ASAP2: variants seen among roughly 807,000 people sequenced by gnomAD.
ASAP2 encodes the protein ArfGAP with SH3 domain, ankyrin repeat and PH domain 2, also known as arf-GAP with SH3 domain, ANK repeat and PH domain-containing protein 2.
A neutral mutation model predicts 131.4 loss-of-function variants in ASAP2; 45 were observed. The observed-to-expected ratio is 0.34, with a 90% CI of 0.27 to 0.44. The LOEUF (loss-of-function observed/expected upper bound fraction) is 0.44, where lower values mean the gene tolerates loss of function less well. Ranked by LOEUF, ASAP2 falls within the 20% of genes least tolerant of loss-of-function variation. ASAP2 has a pLI of 1.00. For missense variants in ASAP2, 1,011 were observed against 1,297.0 expected (o/e 0.78, Z 3.39); for synonymous variants, 510 against 503.0 (o/e 1.01, Z -0.19).
intron 2 of ASAP2, among the ~76,000 whole-genome samples, chr2:9,283,836 C>T (rs1441042696): frequency 1.3e-5 from 2 of 152,140 alleles, no homozygotes; most frequent in Admixed American, 6.6e-5. Context: ...TCCACTTTCT[C>T]CTCTTATAAG....
rs1032318598 is a variant in ASAP2, at chr2:9,405,676, G to A, written c.*2349G>A. 2 of 152,434 alleles carry A rather than the reference G, an allele frequency of 1.3e-5. No individual in the cohort carries two copies. The highest frequency in any genetic ancestry group is 6.5e-5 in the Admixed American group (1 of 15,280). 9.4% of individuals were successfully genotyped at this position (152,434 alleles called of 1,614,324 possible). A position where few individuals can be genotyped will look rare whatever the true frequency, so the allele number is the denominator to read the frequency against. Reference sequence around the variant, plus strand: ...GGAAAAAAATAAAATACTTTTAAATGGACATGGTTTTATTTTTAATGTTTT... The same window carrying A: ...GGAAAAAAATAAAATACTTTTAAATAGACATGGTTTTATTTTTAATGTTTT... On this transcript the variant is annotated 3_prime_UTR_variant, in exon 28 of 28. Transcript: ENST00000281419.
At position 9,376,901 on chromosome 2, in the gene ASAP2, T is replaced by G; in HGVS notation, c.1747-7T>G. The G allele has an allele frequency of 6.2e-7, 1 of 1,614,024 alleles. No homozygotes were observed. Among genetic ancestry groups the G allele is most frequent in the Non-Finnish European group, 8.5e-7 (1 of 1,179,934 alleles). On this transcript the variant is annotated splice_polypyrimidine_tract_variant and splice_region_variant and intron_variant, in intron 17 of 27. Transcript: ENST00000281419. ...GAATTCTGGAATGCCTTTGTTTGGT[T>G]TTTCAGGAGCCGGATGAAACGGCCC...
At chr2:9,230,703 T>C (rs944356718) in intron 1 of ASAP2, among the ~76,000 whole-genome samples, 1 of 152,224 alleles carries the variant, frequency 6.6e-6, no homozygotes, top group Non-Finnish European at 1.5e-5. Context: ...AGAGCAGATA[T>C]GTGCAAGGCA....
At chr2:9,371,027 C>G (rs538733732) in intron 16 of ASAP2, among the ~76,000 whole-genome samples, 4 of 152,252 alleles carry the variant, frequency 2.6e-5, no homozygotes, top group African/African-American at 9.6e-5. Flanking sequence ...ACCAGGGGTA[C>G]CTAACGAAAG....
chr2:9,403,110 ATGT>A, intron 27 of ASAP2, 140 bp from the exon 28 acceptor site: 2 of 664,258 alleles, frequency 3.0e-6, no homozygotes, highest in Non-Finnish European at 5.2e-6. Context: ...AATCATTTGG[ATGT>A]TTTACCTAAG....
rs1553297027 is a variant in ASAP2, at chr2:9,254,254, T to TATATATATATAC, written c.127-25062_127-25061insTATATATATACA. ...AAAAAAAAATATATATATATATATA[T>TATATATATATAC]ACACGTGTGTGTGTATGCATATATA... On this transcript the variant is annotated intron_variant, in intron 1 of 27. Coordinates refer to ENST00000281419, the MANE Select transcript of ASAP2 (RefSeq NM_003887.3). 5.0e-3 allele frequency among the ~76,000 whole-genome samples: 327 copies of TATATATATATAC among 65,682 alleles called. 24 individuals are homozygous for TATATATATATAC. Among genetic ancestry groups the TATATATATATAC allele is most frequent in the African/African-American group, 0.018 (244 of 13,502 alleles). 43.1% of individuals were successfully genotyped at this position (65,682 alleles called of 152,430 possible). A position where few individuals can be genotyped will look rare whatever the true frequency, so the allele number is the denominator to read the frequency against.
intron 16 of ASAP2, among the ~76,000 whole-genome samples, chr2:9,373,736 A>G (rs1674166139): frequency 6.6e-6 from 1 of 152,226 alleles, no homozygotes; most frequent in African/African-American, 2.4e-5. Flanking sequence ...CTCAGATTGT[A>G]GGCAGTGCTG....
At chr2:9,387,084 G>C (rs983840222) in intron 21 of ASAP2, among the ~76,000 whole-genome samples, 27 of 149,984 alleles carry the variant, frequency 1.8e-4, no homozygotes, top group Non-Finnish European at 3.6e-4. Context: ...TGGGTGGGGG[G>C]GCGCCTGTAG....
At chr2:9,227,394 G>C (rs1305816031) in intron 1 of ASAP2, among the ~76,000 whole-genome samples, 1 of 152,164 alleles carries the variant, frequency 6.6e-6, no homozygotes, top group East Asian at 1.9e-4. Flanking sequence ...CCATTTACAC[G>C]GTGGACTTGT....
intron 12 of ASAP2, among the ~76,000 whole-genome samples, chr2:9,351,306 A>G (rs1013876223): frequency 1.3e-5 from 2 of 152,232 alleles, no homozygotes; most frequent in South Asian, 2.1e-4. Flanking sequence ...AGGGTCTTCA[A>G]CAGGTCCCTT....
At chr2:9,302,829 AG>A (rs1668586378) in intron 3 of ASAP2, among the ~76,000 whole-genome samples, 1 of 152,148 alleles carries the variant, frequency 6.6e-6, no homozygotes, top group South Asian at 2.1e-4. Context: ...AAGACATTAT[AG>A]CTAACCTTAC....
intron 9 of ASAP2, among the ~76,000 whole-genome samples, 157 bp downstream of exon 9, chr2:9,335,336 C>T (rs1671134889): frequency 1.3e-5 from 2 of 152,172 alleles, no homozygotes; most frequent in Non-Finnish European, 2.9e-5. Context: ...CAATTTAGTT[C>T]TATAAAACCA....
chr2:9,207,287 C>A lies in ASAP2; in HGVS notation c.126+57C>A. On this transcript the variant is annotated intron_variant, in intron 1 of 27. Transcript: ENST00000281419. The surrounding 1 kb of genome is among the most constrained non-coding windows in gnomAD (Gnocchi z 4.1). Reference sequence around the variant, plus strand: ...AGGTATCCCGCGCCCCAGCCCCGCCCGCCGCTCCCGCATCCGCATCCCGAG... The same window carrying A: ...AGGTATCCCGCGCCCCAGCCCCGCCAGCCGCTCCCGCATCCGCATCCCGAG... 6.8e-7 allele frequency: 1 copy of A among 1,466,098 alleles called. No homozygotes were observed. The allele number at this position is 1,466,098 out of a possible 1,614,324, so 90.8% of individuals were successfully genotyped here. A position where few individuals can be genotyped will look rare whatever the true frequency, so the allele number is the denominator to read the frequency against.
chr2:9,396,403 A>T (rs1676150430), intron 24 of ASAP2, among the ~76,000 whole-genome samples: 1 of 151,908 alleles, frequency 6.6e-6, no homozygotes, highest in Non-Finnish European at 1.5e-5. Context: ...GCCTCCGCAT[A>T]GCTGGGACCA....
At chr2:9,324,331 A>C (rs918781983) in intron 6 of ASAP2, among the ~76,000 whole-genome samples, 8 of 152,362 alleles carry the variant, frequency 5.3e-5, no homozygotes, top group African/African-American at 1.9e-4. Flanking sequence ...TCAGGGTGGC[A>C]GTTGAAAGTT....
chr2:9,375,647 G>T (rs1674348358), intron 17 of ASAP2, among the ~76,000 whole-genome samples: 1 of 152,144 alleles, frequency 6.6e-6, no homozygotes. Flanking sequence ...TATTCTCCTT[G>T]TCTAAAACTT....
intron 5 of ASAP2, 106 bp downstream of exon 5, chr2:9,320,443 A>G: frequency 1.2e-6 from 1 of 839,624 alleles, no homozygotes; most frequent in East Asian, 2.6e-5. Flanking sequence ...TTAATCCAGA[A>G]AAGAATGTTT....
intron 15 of ASAP2, among the ~76,000 whole-genome samples, chr2:9,365,455 G>T (rs971227874): frequency 6.6e-6 from 1 of 152,188 alleles, no homozygotes; most frequent in Non-Finnish European, 1.5e-5. Context: ...CCTTCCTCAT[G>T]GAGACATGAA....
At chr2:9,258,198 G>A (rs1665296866) in intron 1 of ASAP2, among the ~76,000 whole-genome samples, 1 of 150,650 alleles carries the variant, frequency 6.6e-6, no homozygotes, top group Admixed American at 6.6e-5. Flanking sequence ...CTTTGGCCAG[G>A]TGTGGGGGCT....
Sources: gnomAD v4.1 joint callset for allele counts (sites outside exome capture counted in the v4.1 genomes callset) on GRCh38, gnomAD v4.1.1 for gene constraint, Gnocchi (gnomAD v3.1) non-coding constraint, MANE v1.5 for transcripts, NCBI Gene and HGNC (gene_info 2026-07-23, HGNC 2026-07-21) for gene names.